RANBP2: variants seen among roughly 807,000 people sequenced by gnomAD.
The protein encoded by RANBP2 is RAN binding protein 2, also known as E3 SUMO-protein ligase RanBP2.
In RANBP2, 57 loss-of-function variants were observed where a neutral mutation model predicts 303.6. The observed-to-expected ratio is 0.19, with a 90% CI of 0.15 to 0.23. RANBP2 has a LOEUF of 0.23. Ranked by LOEUF, RANBP2 falls within the 10% of genes least tolerant of loss-of-function variation. The probability of loss-of-function intolerance (pLI) is 1.00; values close to 1 mark genes in which losing one functional copy is unlikely to be tolerated. For missense variants in RANBP2, 3,138 were observed against 3,780.8 expected, an observed-to-expected ratio of 0.83 and a Z score of 4.46; for synonymous variants, 1,167 against 1,301.5, an observed-to-expected ratio of 0.90 and a Z score of 2.23.
chr2:109,728,577 T>G, the RANBP2 span, among the ~76,000 whole-genome samples: 26 of 151,664 alleles, frequency 1.7e-4, no homozygotes, highest in East Asian at 4.8e-3. Context: ...TGCCTTAGCC[T>G]CCCGAGTAGC....
the RANBP2 span, among the ~76,000 whole-genome samples, chr2:108,902,083 C>G: frequency 5.3e-5 from 8 of 151,650 alleles, no homozygotes; most frequent in Non-Finnish European, 2.9e-5. Context: ...ACTAAAAATA[C>G]AAAAATTAGC....
At chr2:109,648,410 A>T in the RANBP2 span, among the ~76,000 whole-genome samples, 6 of 151,716 alleles carry the variant, frequency 4.0e-5, no homozygotes, top group Non-Finnish European at 7.4e-5. Flanking sequence ...GGAATGCATG[A>T]TGCAATCTCG....
the RANBP2 span, among the ~76,000 whole-genome samples, chr2:109,169,022 A>ACT: frequency 1.3e-5 from 2 of 151,574 alleles, no homozygotes; most frequent in African/African-American, 4.9e-5. Flanking sequence ...GCCTAACAGG[A>ACT]CTCTCCCTTG....
At chr2:108,923,460 G>A in the RANBP2 span, 1 of 1,613,854 alleles carries the variant, frequency 6.2e-7, no homozygotes, top group Non-Finnish European at 8.5e-7. Flanking sequence ...GTAGCTACGG[G>A]GGAGAGACAA....
At chr2:109,494,468 C>G in the RANBP2 span, among the ~76,000 whole-genome samples, 2 of 151,864 alleles carry the variant, frequency 1.3e-5, no homozygotes, top group Non-Finnish European at 2.9e-5. Context: ...GAGGGCATGA[C>G]TGGGAAAATG....
chr2:108,972,590 C>T, the RANBP2 span, among the ~76,000 whole-genome samples: 2,612 of 152,360 alleles, frequency 0.017, 69 homozygotes, highest in African/African-American at 0.058. Context: ...TTGCCCTGCA[C>T]GCCAAGTGTT....
chr2:109,481,362 C>T, the RANBP2 span, among the ~76,000 whole-genome samples: 2 of 152,096 alleles, frequency 1.3e-5, no homozygotes, highest in African/African-American at 4.8e-5. Context: ...TACGGAAAAA[C>T]AAGTTTATTG....
the RANBP2 span, among the ~76,000 whole-genome samples, chr2:109,739,309 GAA>G: frequency 1.4e-5 from 2 of 144,188 alleles, no homozygotes; most frequent in African/African-American, 5.2e-5. Context: ...GGATTGCATT[GAA>G]CCTGTAGATT....
the RANBP2 span, among the ~76,000 whole-genome samples, chr2:108,845,728 C>T: frequency 2.6e-5 from 4 of 152,002 alleles, no homozygotes; most frequent in Admixed American, 1.3e-4. Flanking sequence ...CCCGCCACCA[C>T]GCCTGGCTAT....
At chr2:108,752,888 C>A in intron 12 of RANBP2, 110 bp from the exon 13 acceptor site, 1 of 1,595,510 alleles carries the variant, frequency 6.3e-7, no homozygotes, top group South Asian at 1.1e-5. Flanking sequence ...TATTGAGATA[C>A]CATTTGGTTT....
chr2:109,241,993 G>A, the RANBP2 span, among the ~76,000 whole-genome samples: 30 of 152,114 alleles, frequency 2.0e-4, no homozygotes, highest in African/African-American at 6.7e-4. Context: ...TGACACCTGT[G>A]AGTGATCAGA....
chr2:109,034,084 C>T, the RANBP2 span, among the ~76,000 whole-genome samples: 1 of 150,028 alleles, frequency 6.7e-6, no homozygotes, highest in African/African-American at 2.5e-5. Flanking sequence ...TCCTGGCAAA[C>T]ATGGTGAAAC....
At chr2:109,724,724 A>G in the RANBP2 span, among the ~76,000 whole-genome samples, 1 of 152,102 alleles carries the variant, frequency 6.6e-6, no homozygotes, top group Non-Finnish European at 1.5e-5. Flanking sequence ...CAGCTTTTGC[A>G]CCCCTCCTCC....
At chr2:109,105,709 C>T in the RANBP2 span, among the ~76,000 whole-genome samples, 2 of 151,928 alleles carry the variant, frequency 1.3e-5, no homozygotes, top group African/African-American at 4.8e-5. Flanking sequence ...CATGCGCCAC[C>T]ACGCCCAGCT....
chr2:108,787,066 A>G, downstream of RANBP2: 2 of 418,122 alleles, frequency 4.8e-6, no homozygotes, highest in Non-Finnish European at 8.2e-6. Context: ...TCGTGGAAGC[A>G]GGCGGGAGGG....
the RANBP2 span, chr2:109,613,262 C>T: frequency 1.9e-4 from 196 of 1,027,900 alleles, 2 homozygotes; most frequent in Middle Eastern, 3.8e-3. Flanking sequence ...CAAACGCGTT[C>T]TTTTAGAGTA....
Position 108,782,288 on chromosome 2 carries a change from G to A in RANBP2, c.8921G>A (p.Arg2974Lys), listed in dbSNP as rs1203346172. 3 of 1,614,184 alleles carry A rather than the reference G, an allele frequency of 1.9e-6. No homozygotes were observed. The highest frequency in any genetic ancestry group is 1.3e-5 in the African/African-American group (1 of 75,036). ...AAGAATTATTACCGGATCCTAATGA[G>A]AAGAGACCAGGTTTTTAAAGTGTGT... ...TMKNYYRILM[R>K]RDQVFKVCAN... Residue 2974 changes from arginine to lysine, a missense_variant, in exon 27 of 29, where the codon AGA (arginine) becomes AAA (lysine). Around this residue, in one of 20 missense-constraint regions of RANBP2, gnomAD observed 68 missense variants for 117.4 expected, o/e 0.58. Transcript: ENST00000283195.
the RANBP2 span, among the ~76,000 whole-genome samples, chr2:109,317,487 G>A: frequency 6.6e-6 from 1 of 152,090 alleles, no homozygotes; most frequent in Non-Finnish European, 1.5e-5. Context: ...GGTCTGGGAG[G>A]CATAGCTCTG....
chr2:109,184,434 A>G, the RANBP2 span, among the ~76,000 whole-genome samples: 1 of 152,126 alleles, frequency 6.6e-6, no homozygotes, highest in Admixed American at 6.5e-5. Flanking sequence ...GGTCTTTGCT[A>G]TTGCTGTGGC....
Sources: allele counts gnomAD v4.1 joint callset (sites outside exome capture counted in the v4.1 genomes callset), GRCh38; gene constraint gnomAD v4.1.1; regional missense constraint gnomAD v4.1.1; transcripts MANE v1.5; gene names NCBI Gene and HGNC (gene_info 2026-07-23, HGNC 2026-07-21).